BTBD7: variants seen among roughly 807,000 people sequenced by gnomAD.
BTBD7 encodes BTB/POZ domain-containing protein 7.
In BTBD7, 38 loss-of-function variants were observed where a neutral mutation model predicts 99.9. The observed-to-expected ratio is 0.38, with a 90% CI of 0.29 to 0.50. The LOEUF (loss-of-function observed/expected upper bound fraction) is 0.50. Ranked by LOEUF, BTBD7 falls within the 20% of genes least tolerant of loss-of-function variation. BTBD7 has a pLI of 0.93. For synonymous variants in BTBD7, 520 were observed against 511.4 expected (o/e 1.02, Z -0.23); for missense variants, 1,170 against 1,394.6 (o/e 0.84, Z 2.57).
intron 5 of BTBD7, among the ~76,000 whole-genome samples, chr14:93,258,113 AAATT>A (rs2052450112): frequency 7.1e-6 from 1 of 141,610 alleles, no homozygotes; most frequent in African/African-American, 2.8e-5. Context: ...TTTCTTAAAA[AAATT>A]AACACAGAAT....
At chr14:93,325,356 G>A (rs887977885) in intron 1 of BTBD7, among the ~76,000 whole-genome samples, 2 of 151,936 alleles carry the variant, frequency 1.3e-5, no homozygotes, top group East Asian at 1.9e-4. Flanking sequence ...GTGATCTGCC[G>A]ACCTCAGGTG....
rs2052253571 is a variant in BTBD7 at position 93,243,010 on chromosome 14, G to A, written c.2662C>T (p.Leu888Phe). 2 of 1,614,012 alleles carry A rather than the reference G, an allele frequency of 1.2e-6. No homozygotes were observed. The highest frequency in any genetic ancestry group is 2.7e-5 in the African/African-American group (2 of 74,890). The change falls in exon 11 of 11, where the codon CTT becomes TTT. Residue 888 changes from leucine to phenylalanine, a missense_variant. Transcript: ENST00000334746. Reference sequence around the variant, plus strand: ...TCTGTGTCTACAGCAAGCTCTGGAAGCCTCCTGTCCTTGAGTGACAGTGTG... The same window carrying A: ...TCTGTGTCTACAGCAAGCTCTGGAAACCTCCTGTCCTTGAGTGACAGTGTG... ...VSTLSLKDRR[L>F]PELAVDTELS...
chr14:93,248,984 C>T (rs2052343026), intron 8 of BTBD7, among the ~76,000 whole-genome samples: 1 of 152,018 alleles, frequency 6.6e-6, no homozygotes, highest in South Asian at 2.1e-4. Flanking sequence ...TTCTATTATT[C>T]AAATAATTTT....
chr14:93,318,675 T>C (rs1595340964), intron 1 of BTBD7, among the ~76,000 whole-genome samples: 1 of 152,206 alleles, frequency 6.6e-6, no homozygotes, highest in Non-Finnish European at 1.5e-5. Context: ...GTGACCAGGA[T>C]AGCCTGCATG....
chr14:93,310,754 CA>C (rs1434886441), intron 1 of BTBD7, among the ~76,000 whole-genome samples: 1 of 130,668 alleles, frequency 7.7e-6, no homozygotes, highest in Non-Finnish European at 1.6e-5. Flanking sequence ...AACAAACAAA[CA>C]AAAAAACCAA....
chr14:93,331,778 G>A (rs2053418938), intron 1 of BTBD7, among the ~76,000 whole-genome samples: 1 of 151,990 alleles, frequency 6.6e-6, no homozygotes, highest in Admixed American at 6.5e-5. Flanking sequence ...CTACTTGGGA[G>A]GCTGAGACAG....
At chr14:93,261,030 A>G (rs2052483578) in intron 5 of BTBD7, among the ~76,000 whole-genome samples, 1 of 151,988 alleles carries the variant, frequency 6.6e-6, no homozygotes, top group Non-Finnish European at 1.5e-5. Context: ...AGCTGGGAGT[A>G]CAGGCGCGTG....
At chr14:93,257,172 AAT>A (rs1320778593) in intron 6 of BTBD7, 21 bp downstream of exon 6, 49 of 1,604,446 alleles carry the variant, frequency 3.1e-5, no homozygotes, top group Non-Finnish European at 4.1e-5. Context: ...TCATGAAAGG[AAT>A]ACATGGAGAA....
At chr14:93,281,129 G>A (rs1372275405) in intron 3 of BTBD7, among the ~76,000 whole-genome samples, 1 of 151,474 alleles carries the variant, frequency 6.6e-6, no homozygotes, top group Non-Finnish European at 1.5e-5. Context: ...GCCTCCCAAA[G>A]AGCTGGGACC....
At chr14:93,249,154 CA>C (rs2052344491) in intron 8 of BTBD7, among the ~76,000 whole-genome samples, 2 of 147,442 alleles carry the variant, frequency 1.4e-5, no homozygotes, top group African/African-American at 2.5e-5. Flanking sequence ...GAGAAATATG[CA>C]AAGGACACTG....
chr14:93,321,866 T>C (rs2053274347), intron 1 of BTBD7, among the ~76,000 whole-genome samples: 1 of 152,078 alleles, frequency 6.6e-6, no homozygotes, highest in Non-Finnish European at 1.5e-5. Context: ...CAATAGAAAG[T>C]GTGAGCTTTC....
intron 10 of BTBD7, chr14:93,244,176 G>GA: frequency 2.3e-6 from 1 of 437,850 alleles, no homozygotes; most frequent in Non-Finnish European, 4.4e-6. Context: ...TGATTTTCCC[G>GA]AAAAAGGGTA....
chr14:93,324,705 G>A (rs2053308565), intron 1 of BTBD7, among the ~76,000 whole-genome samples: 1 of 152,156 alleles, frequency 6.6e-6, no homozygotes, highest in South Asian at 2.1e-4. Context: ...TTCTCCCCCA[G>A]AAACAGAATG....
intron 1 of BTBD7, 102 bp downstream of exon 1, chr14:93,332,718 C>G (rs2053462559): frequency 1.5e-6 from 2 of 1,337,344 alleles, no homozygotes; most frequent in Non-Finnish European, 1.9e-6. Flanking sequence ...CCAGCCCCGG[C>G]GCCCCCACGC....
At chr14:93,281,229 T>C (rs2052716335) in intron 3 of BTBD7, among the ~76,000 whole-genome samples, 1 of 151,596 alleles carries the variant, frequency 6.6e-6, no homozygotes, top group African/African-American at 2.4e-5. Context: ...CTCAAACTCC[T>C]GGACTCAAGC....
intron 1 of BTBD7, among the ~76,000 whole-genome samples, chr14:93,302,629 G>A (rs1411733285): frequency 6.6e-6 from 1 of 152,058 alleles, no homozygotes; most frequent in Non-Finnish European, 1.5e-5. Context: ...GGCGGATCAC[G>A]AGGTCAGGAG....
intron 3 of BTBD7, among the ~76,000 whole-genome samples, chr14:93,287,179 A>G (rs1490449234): frequency 6.6e-6 from 1 of 151,356 alleles, no homozygotes; most frequent in Non-Finnish European, 1.5e-5. Context: ...CAATGAGCCA[A>G]GATTGGGCCA....
At chr14:93,295,927 T>C (rs1397801048) in intron 2 of BTBD7, 43 bp downstream of exon 2, 2 of 1,575,742 alleles carry the variant, frequency 1.3e-6, no homozygotes, top group East Asian at 2.2e-5. Context: ...ACAATTCTAT[T>C]ATAGTCACAA....
intron 3 of BTBD7, among the ~76,000 whole-genome samples, chr14:93,289,901 G>C (rs1341647733): frequency 6.8e-6 from 1 of 147,106 alleles, no homozygotes; most frequent in Non-Finnish European, 1.5e-5. Flanking sequence ...AGTTGCCCAG[G>C]CTTGGAGTGC....
Sources: allele counts gnomAD v4.1 joint callset (sites outside exome capture counted in the v4.1 genomes callset), GRCh38; gene constraint gnomAD v4.1.1; transcripts MANE v1.5; gene names NCBI Gene and HGNC (gene_info 2026-07-23, HGNC 2026-07-21).